GCN1: variants seen among roughly 807,000 people sequenced by gnomAD.
The protein encoded by GCN1 is stalled ribosome sensor GCN1.
A neutral mutation model predicts 288.4 loss-of-function variants in GCN1; 90 were observed. That is an observed-to-expected ratio of 0.31 (90% CI 0.26 to 0.37). The LOEUF is 0.37. GCN1 is among the 10% of genes least tolerant of loss of function. The pLI is 1.00. For missense variants in GCN1, 2,586 were observed against 3,419.9 expected (o/e 0.76, Z 6.08); for synonymous variants, 1,386 against 1,420.2 (o/e 0.98, Z 0.54).
chr12:120,161,956 G>T lies in GCN1; in HGVS notation c.2266C>A (p.Arg756Ser). ...ITASVQNPAL[R>S]LVTREEFAIM... is the part of the protein sequence containing the mutation. ...GCAAACTCCTCCCGCGTCACCAGGC[G>T]CAGTGCAGGGTTCTGCACGGAGGCA... The change falls in exon 21 of 58, where the codon CGC (arginine) becomes AGC (serine). Residue 756 changes from arginine to serine, a missense_variant. Around this residue, in one of 8 missense-constraint regions of GCN1, gnomAD observed 913 missense variants for 1,107.0 expected, o/e 0.82. Coordinates refer to ENST00000300648, the MANE Select transcript of GCN1 (RefSeq NM_006836.2). 1.2e-6 allele frequency: 2 copies of T among 1,613,976 alleles called. No homozygotes were observed. Among genetic ancestry groups the T allele is most frequent in the Non-Finnish European group, 1.7e-6 (2 of 1,179,904 alleles).
In GCN1 at chr12:120,174,112, C is replaced by T; in HGVS notation, c.1151G>A (p.Gly384Glu). 1 of 1,609,442 alleles carries T rather than the reference C, an allele frequency of 6.2e-7. No individual in the cohort carries two copies. The highest frequency in any genetic ancestry group is 8.5e-7 in the Non-Finnish European group (1 of 1,175,720). ...VSGPSSQVLN[G>E]IVAELFIPFL... is the part of the protein sequence containing the mutation. The stretch of plus-strand genomic sequence containing the variant: ...CGGGATGAACAGCTCAGCCACGATC[C>T]CATTCAGGACCTGACTGGAAGGTCC... Residue 384 changes from glycine to glutamate, a missense_variant, in exon 13 of 58, where the codon GGG (glycine) becomes GAG (glutamate). By Grantham distance (98) the Gly-to-Glu change is moderately conservative. Transcript: ENST00000300648.
At chr12:120,132,756 C>T (rs1594257924) in intron 53 of GCN1, among the ~76,000 whole-genome samples, 1 of 152,140 alleles carries the variant, frequency 6.6e-6, no homozygotes, top group Non-Finnish European at 1.5e-5. Context: ...CAACATGTCC[C>T]CAAAACAAAC....
intron 2 of GCN1, among the ~76,000 whole-genome samples, chr12:120,187,670 G>A (rs1186475740): frequency 6.6e-6 from 1 of 151,864 alleles, no homozygotes; most frequent in Non-Finnish European, 1.5e-5. Context: ...ATGGACCACT[G>A]CAGCCTCAAC....
chr12:120,136,032 C>CAAAACAA (rs1876992513), intron 51 of GCN1, among the ~76,000 whole-genome samples: 1 of 151,508 alleles, frequency 6.6e-6, no homozygotes, highest in Admixed American at 6.6e-5. Context: ...CAAAACAAAA[C>CAAAACAA]AAAACAAAAA....
At chr12:120,171,038 G>A (rs1251542901) in intron 14 of GCN1, among the ~76,000 whole-genome samples, 8 of 151,842 alleles carry the variant, frequency 5.3e-5, no homozygotes. Flanking sequence ...CTACTCAGGA[G>A]GCTGCAGCAG....
intron 14 of GCN1, among the ~76,000 whole-genome samples, chr12:120,173,228 T>G (rs1007304833): frequency 6.6e-6 from 1 of 152,046 alleles, no homozygotes; most frequent in Non-Finnish European, 1.5e-5. Flanking sequence ...AGCTAATTTT[T>G]GTATTTTTAG....
chr12:120,145,509 T>C (rs937389881), intron 38 of GCN1, among the ~76,000 whole-genome samples, 179 bp from the exon 39 acceptor site: 1 of 152,106 alleles, frequency 6.6e-6, no homozygotes, highest in African/African-American at 2.4e-5. Context: ...CTCCGACTGG[T>C]TCCTTCAAGG....
Position 120,176,123 on chromosome 12 carries a change from A to T in GCN1, c.913+20T>A, listed in dbSNP as rs1274877988. On this transcript the variant is annotated intron_variant, in intron 10 of 57. Transcript: ENST00000300648. ...ACCCAAGGTGACACTTATGGGCTGG[A>T]GAGGGGCTGGGATACTCACCAGCCA... 2 of 1,565,374 alleles carry T rather than the reference A, an allele frequency of 1.3e-6. No homozygotes were observed. Among genetic ancestry groups the T allele is most frequent in the Admixed American group, 1.7e-5 (1 of 59,962 alleles).
chr12:120,162,108 CA>C (rs1430883493), intron 20 of GCN1, 50 bp from the exon 21 acceptor site: 2 of 1,509,648 alleles, frequency 1.3e-6, no homozygotes, highest in Non-Finnish European at 1.8e-6. Context: ...CTGGCACTGG[CA>C]AGAGGTCCAC....
chr12:120,141,126 G>A (rs1877181534), intron 44 of GCN1, 103 bp from the exon 45 acceptor site: 1 of 951,972 alleles, frequency 1.1e-6, no homozygotes, highest in Non-Finnish European at 1.6e-6. Flanking sequence ...GGCTTTATCT[G>A]AATCACTGAC....
At chr12:120,173,892 G>T in intron 13 of GCN1, 66 bp from the exon 14 acceptor site, 2 of 1,419,938 alleles carry the variant, frequency 1.4e-6, no homozygotes, top group Non-Finnish European at 2.0e-6. Flanking sequence ...ATTGCAAGCA[G>T]TGCAAAAAAC....
In GCN1 at chr12:120,137,727, G is replaced by A. The variant is rs187271720; in HGVS notation, c.6481C>T (p.Arg2161Cys). 1.7e-5 allele frequency: 27 copies of A among 1,613,970 alleles called. No homozygotes were observed. The African/African-American group carries it at 2.0e-4, about 12-fold the overall frequency. Residue 2161 changes from arginine to cysteine, a missense_variant, in exon 49 of 58, where the codon CGC becomes TGC. Transcript: ENST00000300648. This position sits in a 1 kb window ranked among gnomAD's most constrained non-coding sequence, Gnocchi z 5.2. ...TGCCTCATGCCCACCTCAGGGCTGC[G>A]GGTGGCCTCCAGCAGATCCTCGATG... The part of the protein sequence containing the change: ...IIIEDLLEAT[R>C]SPEVGMRQAA...
Position 120,142,959 on chromosome 12 carries a change from AACACAGTCAC to A in GCN1, c.5496-28_5496-19del. On this transcript the variant is annotated intron_variant, in intron 42 of 57. Coordinates refer to ENST00000300648, the MANE Select transcript of GCN1 (RefSeq NM_006836.2). The surrounding 1 kb of genome is among the most constrained non-coding windows in gnomAD (Gnocchi z 4.9). Reference sequence around the variant, plus strand: ...AGCTGAACCTGAGAAGGAGGCCAACAACACAGTCACACAGCTGCAAGGAGTGGGCTCGGCA... The same window carrying A: ...AGCTGAACCTGAGAAGGAGGCCAACAACAGCTGCAAGGAGTGGGCTCGGCA... The A allele has an allele frequency of 6.8e-7, 1 of 1,469,130 alleles. No homozygotes were observed. Among genetic ancestry groups the A allele is most frequent in the Non-Finnish European group, 9.5e-7 (1 of 1,047,800 alleles). The allele number at this position is 1,469,130 out of a possible 1,614,324, so 91.0% of individuals were successfully genotyped here. A position where few individuals can be genotyped will look rare whatever the true frequency, so the allele number is the denominator to read the frequency against.
At position 120,161,547 on chromosome 12, in the gene GCN1, C is replaced by T. The variant is rs1395286108; in HGVS notation, c.2379G>A (p.Lys793=). ...TGAAGGAATAAGCTTTGTTCTCTCG[C>T]TTCATGTTGGCCTTTTTTATGCTGT... ...QQDSIKKANM[K]RENKAYSFKE... The change falls in exon 22 of 58, where the codon AAG becomes AAA. Residue 793 remains lysine (K), a synonymous_variant. Transcript: ENST00000300648. 2 of 1,614,026 alleles carry T rather than the reference C, an allele frequency of 1.2e-6. No homozygotes were observed. The highest frequency in any genetic ancestry group is 2.2e-5 in the South Asian group (2 of 91,082).
rs1878379272 is a variant in GCN1 at position 120,173,668 on chromosome 12, A to G, written c.1351T>C (p.Leu451=). 6.8e-6 allele frequency: 11 copies of G among 1,609,312 alleles called. No individual in the cohort carries two copies. Among genetic ancestry groups the G allele is most frequent in the Non-Finnish European group, 9.4e-6 (11 of 1,175,656 alleles). ...GTTGTCTTACCCCGGTAAGAGGCCAACATGCACTGCAGGTAGGCATGCCTC... is the reference window on the plus strand; with the variant it reads ...GTTGTCTTACCCCGGTAAGAGGCCAGCATGCACTGCAGGTAGGCATGCCTC... ...AVRHAYLQCM[L]ASYRGDTLLQ... The change falls in exon 14 of 58, where the codon TTG becomes CTG. Residue 451 remains leucine (L), a synonymous_variant. Coordinates refer to ENST00000300648, the MANE Select transcript of GCN1 (RefSeq NM_006836.2).
chr12:120,169,234 G>A (rs1393913501), intron 15 of GCN1, among the ~76,000 whole-genome samples: 13 of 128,692 alleles, frequency 1.0e-4, no homozygotes, highest in Admixed American at 3.0e-4. Flanking sequence ...TCGAGATCGC[G>A]CCACTGCACT....
intron 33 of GCN1, among the ~76,000 whole-genome samples, chr12:120,151,852 A>G (rs1325337763): frequency 6.6e-6 from 1 of 152,188 alleles, no homozygotes; most frequent in Non-Finnish European, 1.5e-5. Context: ...AAAGACACTC[A>G]ATCCTGCCTC....
rs758694163 is a variant in GCN1 at position 120,168,316 on chromosome 12, G to A, written c.1520-16C>T. ...AGTTTGGCCTCTGCAAGAAACAAAA[G>A]GTTACCCCACGACGCAGCTCACCAC... On this transcript the variant is annotated splice_polypyrimidine_tract_variant and intron_variant, in intron 15 of 57. Transcript: ENST00000300648. The A allele has an allele frequency of 1.2e-5, 17 of 1,466,068 alleles. No individual in the cohort carries two copies. Among genetic ancestry groups the A allele is most frequent in the Admixed American group, 1.7e-5 (1 of 59,818 alleles). The allele number at this position is 1,466,068 out of a possible 1,614,324, so 90.8% of individuals were successfully genotyped here. A position where few individuals can be genotyped will look rare whatever the true frequency, so the allele number is the denominator to read the frequency against.
At position 120,147,047 on chromosome 12, in the gene GCN1, G is replaced by A. The variant is rs752480854; in HGVS notation, c.4947+5C>T. The A allele has an allele frequency of 6.6e-6, 10 of 1,517,038 alleles. No individual in the cohort carries two copies. In the South Asian group the frequency reaches 7.9e-5, roughly 12 times the overall value. 94.0% of individuals were successfully genotyped at this position (1,517,038 alleles called of 1,614,324 possible). A position where few individuals can be genotyped will look rare whatever the true frequency, so the allele number is the denominator to read the frequency against. On this transcript the variant is annotated splice_donor_5th_base_variant and intron_variant, in intron 38 of 57. Transcript: ENST00000300648. ...ATCCCACACTAGCCTCAGCTGGGCC[G>A]CTACCTTCTGGTCTGTCAGGGAGTA... is the stretch of plus-strand genomic sequence containing the variant.
Sources: gnomAD v4.1 joint callset for allele counts (sites outside exome capture counted in the v4.1 genomes callset) on GRCh38, gnomAD v4.1.1 for gene constraint, gnomAD v4.1.1 regional missense constraint, Gnocchi (gnomAD v3.1) non-coding constraint, MANE v1.5 for transcripts, NCBI Gene and HGNC (gene_info 2026-07-23, HGNC 2026-07-21) for gene names.